The following TENM2 variants were observed in gnomAD, a reference collection of about 807,000 sequenced individuals.
TENM2 encodes the protein teneurin-2.
A neutral mutation model predicts 245.2 loss-of-function variants in TENM2; 52 were observed. The ratio of observed to expected loss-of-function variants is 0.21; its 90% CI spans 0.17 to 0.27. The LOEUF is 0.27. Ranked by LOEUF, TENM2 falls within the 10% of genes least tolerant of loss-of-function variation. The probability of loss-of-function intolerance (pLI) is 1.00; values close to 1 mark genes in which losing one functional copy is unlikely to be tolerated. For missense variants in TENM2, 3,046 were observed against 3,666.8 expected (o/e 0.83, Z 4.37); for synonymous variants, 1,363 against 1,438.9 (o/e 0.95, Z 1.19).
At chr5:168,216,513 G>C (rs1763209061) in intron 21 of TENM2, among the ~76,000 whole-genome samples, 1 of 152,202 alleles carries the variant, frequency 6.6e-6, no homozygotes, top group Admixed American at 6.5e-5. Flanking sequence ...AGTCCAAGGA[G>C]CATGCTTTCG....
intron 2 of TENM2, among the ~76,000 whole-genome samples, chr5:167,861,816 C>G (rs1321441657): frequency 6.6e-6 from 1 of 152,224 alleles, no homozygotes; most frequent in Non-Finnish European, 1.5e-5. Context: ...CAGTCAGAAG[C>G]AAAGCAGGCC....
At chr5:167,096,527 CT>C in the TENM2 span, among the ~76,000 whole-genome samples, 1 of 152,166 alleles carries the variant, frequency 6.6e-6, no homozygotes, top group Admixed American at 6.5e-5. Context: ...AAGTCACTTC[CT>C]TCTGAGATTT....
At chr5:167,521,750 C>T (rs957551324) in intron 2 of TENM2, among the ~76,000 whole-genome samples, 3 of 152,094 alleles carry the variant, frequency 2.0e-5, no homozygotes, top group African/African-American at 7.2e-5. Flanking sequence ...CCAAATGTGA[C>T]TTGACCACCT....
Position 167,639,677 on chromosome 5 carries a change from C to G in TENM2, c.503-236309C>G, listed in dbSNP as rs1404579145. 2.0e-5 allele frequency among the ~76,000 whole-genome samples: 3 copies of G among 152,148 alleles called. 1 individual carries two copies. The highest frequency in any genetic ancestry group is 2.0e-4 in the Admixed American group (3 of 15,280). ...CATCAGGGAAAACCTTGACTTTTAG[C>G]TGCAATAGAGCTTTAGCCAGCCATT... On this transcript the variant is annotated intron_variant, in intron 2 of 28. Transcript: ENST00000518659.
chr5:167,397,393 A>G (rs912213831), intron 2 of TENM2, among the ~76,000 whole-genome samples: 3 of 152,160 alleles, frequency 2.0e-5, no homozygotes, highest in African/African-American at 4.8e-5. Context: ...AATAATCACA[A>G]AAACATTCTG....
intron 3 of TENM2, among the ~76,000 whole-genome samples, chr5:167,916,381 G>T (rs762558342): frequency 6.6e-6 from 1 of 152,078 alleles, no homozygotes; most frequent in African/African-American, 2.4e-5. Context: ...CAAAGGACTT[G>T]GTTGGTGAAA....
At chr5:167,066,879 C>G in the TENM2 span, among the ~76,000 whole-genome samples, 1 of 152,098 alleles carries the variant, frequency 6.6e-6, no homozygotes, top group African/African-American at 2.4e-5. Context: ...CTAAGCTATT[C>G]AGTAAATGAT....
chr5:167,921,522 T>C (rs774604903), intron 3 of TENM2, among the ~76,000 whole-genome samples: 1 of 152,190 alleles, frequency 6.6e-6, no homozygotes, highest in African/African-American at 2.4e-5. Flanking sequence ...GTGTGGTCTA[T>C]GGACCAGCAC....
intron 5 of TENM2, among the ~76,000 whole-genome samples, chr5:168,030,957 T>A (rs991753759): frequency 2.6e-5 from 4 of 152,182 alleles, no homozygotes; most frequent in Admixed American, 2.0e-4. Flanking sequence ...TTACTGAGAC[T>A]CTTTTTGTGG....
chr5:167,243,988 C>G, the TENM2 span, among the ~76,000 whole-genome samples: 1 of 152,144 alleles, frequency 6.6e-6, no homozygotes, highest in Non-Finnish European at 1.5e-5. Context: ...CCCACACTGT[C>G]TCCTAATCTT....
chr5:167,680,167 C>G (rs912136341), intron 2 of TENM2, among the ~76,000 whole-genome samples: 1 of 151,944 alleles, frequency 6.6e-6, no homozygotes, highest in South Asian at 2.1e-4. Flanking sequence ...CAATATTGAG[C>G]CCATTTAATG....
At chr5:167,159,038 C>T in the TENM2 span, among the ~76,000 whole-genome samples, 2 of 151,370 alleles carry the variant, frequency 1.3e-5, no homozygotes, top group East Asian at 1.9e-4. Context: ...CTGCCACCTC[C>T]GCCTCCTGGG....
At chr5:166,990,450 A>G in the TENM2 span, among the ~76,000 whole-genome samples, 1 of 152,240 alleles carries the variant, frequency 6.6e-6, no homozygotes, top group Non-Finnish European at 1.5e-5. Flanking sequence ...AGATTCATCC[A>G]ATAAAATAAT....
the TENM2 span, among the ~76,000 whole-genome samples, chr5:167,053,376 G>A: frequency 6.6e-6 from 1 of 152,132 alleles, no homozygotes; most frequent in Admixed American, 6.5e-5. Context: ...CGTGATATTG[G>A]CTGCATAGTA....
intron 1 of TENM2, among the ~76,000 whole-genome samples, chr5:167,298,804 G>C (rs1173115172): frequency 6.6e-6 from 1 of 152,204 alleles, no homozygotes; most frequent in Non-Finnish European, 1.5e-5. Flanking sequence ...AGCACGAGGA[G>C]GTATCAGCTG....
chr5:167,756,674 T>C (rs920447653), intron 2 of TENM2, among the ~76,000 whole-genome samples: 5 of 152,106 alleles, frequency 3.3e-5, no homozygotes, highest in Non-Finnish European at 7.4e-5. Context: ...AGACTCTGTG[T>C]CTTCTATTTC....
intron 2 of TENM2, among the ~76,000 whole-genome samples, chr5:167,429,209 T>G (rs968928181): frequency 6.6e-6 from 1 of 152,194 alleles, no homozygotes; most frequent in African/African-American, 2.4e-5. Context: ...GGATCTAGCA[T>G]CAGTTTATAG....
chr5:167,598,612 T>C (rs1776384671), intron 2 of TENM2, among the ~76,000 whole-genome samples: 1 of 152,210 alleles, frequency 6.6e-6, no homozygotes, highest in South Asian at 2.1e-4. Context: ...ATGAAAGTTA[T>C]GTGTGGAGTA....
At chr5:167,815,903 C>A (rs1345625496) in intron 2 of TENM2, among the ~76,000 whole-genome samples, 2 of 151,762 alleles carry the variant, frequency 1.3e-5, no homozygotes, top group South Asian at 2.1e-4. Flanking sequence ...TTTCCCCTGA[C>A]CTTTTTTTGT....
Sources: gnomAD v4.1 joint callset for allele counts (sites outside exome capture counted in the v4.1 genomes callset) on GRCh38, gnomAD v4.1.1 for gene constraint, MANE v1.5 for transcripts, NCBI Gene and HGNC (gene_info 2026-07-23, HGNC 2026-07-21) for gene names.